Variants in GALNT13 observed in about 807,000 individuals in gnomAD.
GALNT13 encodes polypeptide N-acetylgalactosaminyltransferase 13.
A neutral mutation model predicts 64.2 loss-of-function variants in GALNT13; 28 were observed. The observed-to-expected ratio is 0.44, with a 90% CI of 0.32 to 0.60. GALNT13 has a LOEUF of 0.60. Ranked by LOEUF, GALNT13 falls within the 20% of genes least tolerant of loss-of-function variation. The pLI, the probability that GALNT13 is intolerant of heterozygous loss-of-function variation, is 0.05. For missense variants in GALNT13, 577 were observed against 669.8 expected (o/e 0.86, Z 1.53); for synonymous variants, 214 against 224.6 (o/e 0.95, Z 0.42).
chr2:154,057,115 C>T (rs1241266114), intron 3 of GALNT13, among the ~76,000 whole-genome samples: 6 of 152,084 alleles, frequency 3.9e-5, no homozygotes, highest in Non-Finnish European at 7.4e-5. Flanking sequence ...CTGCAACTTC[C>T]GTCTCCTGGG....
chr2:154,066,044 G>A (rs1260097749), intron 3 of GALNT13, among the ~76,000 whole-genome samples: 1 of 152,162 alleles, frequency 6.6e-6, no homozygotes, highest in Non-Finnish European at 1.5e-5. Context: ...TAATTAAAAA[G>A]AATCAAGTAT....
chr2:154,013,687 C>T (rs1327146217), intron 3 of GALNT13, among the ~76,000 whole-genome samples: 1 of 152,068 alleles, frequency 6.6e-6, no homozygotes, highest in Non-Finnish European at 1.5e-5. Context: ...GTGGGCTGCC[C>T]ACACATCAGC....
chr2:154,088,201 C>T (rs2105432274), intron 3 of GALNT13, among the ~76,000 whole-genome samples: 1 of 152,134 alleles, frequency 6.6e-6, no homozygotes, highest in Middle Eastern at 3.4e-3. Context: ...GTACTAAGGC[C>T]TTCATTTCTT....
chr2:153,572,809 T>TC, the GALNT13 span, among the ~76,000 whole-genome samples: 1 of 151,560 alleles, frequency 6.6e-6, no homozygotes, highest in Admixed American at 6.6e-5. Flanking sequence ...GAGTAGACAC[T>TC]TGATATTATT....
At chr2:153,983,293 A>G (rs888827524) in intron 3 of GALNT13, among the ~76,000 whole-genome samples, 2 of 151,848 alleles carry the variant, frequency 1.3e-5, no homozygotes, top group East Asian at 1.9e-4. Flanking sequence ...AGAAAATATA[A>G]TTACTTACGG....
At chr2:153,253,103 C>A in the GALNT13 span, among the ~76,000 whole-genome samples, 1 of 151,838 alleles carries the variant, frequency 6.6e-6, no homozygotes, top group African/African-American at 2.4e-5. Flanking sequence ...TACCCATGAG[C>A]ATGGGATATT....
chr2:154,154,928 TTA>T (rs1343775051), intron 4 of GALNT13, among the ~76,000 whole-genome samples: 1 of 96,838 alleles, frequency 1.0e-5, no homozygotes, highest in Non-Finnish European at 2.1e-5. Flanking sequence ...TGCTGATTGT[TTA>T]TGTTTGTGTG....
intron 9 of GALNT13, among the ~76,000 whole-genome samples, chr2:154,356,068 C>G (rs1696731137): frequency 6.6e-6 from 1 of 152,000 alleles, no homozygotes; most frequent in Non-Finnish European, 1.5e-5. Context: ...CTACTAAACA[C>G]AATTTCAAAT....
At chr2:154,390,258 A>G (rs755241007) in intron 9 of GALNT13, among the ~76,000 whole-genome samples, 8 of 152,232 alleles carry the variant, frequency 5.3e-5, no homozygotes, top group Admixed American at 1.3e-4. Flanking sequence ...TTCAGGGTGC[A>G]TGTACAGATT....
the GALNT13 span, among the ~76,000 whole-genome samples, chr2:153,254,435 A>AT: frequency 6.6e-6 from 1 of 152,054 alleles, no homozygotes; most frequent in African/African-American, 2.4e-5. Context: ...GGATTCATTA[A>AT]TTTTTTGAAG....
At chr2:154,232,863 T>C (rs1688992305) in intron 4 of GALNT13, among the ~76,000 whole-genome samples, 1 of 148,650 alleles carries the variant, frequency 6.7e-6, no homozygotes, top group African/African-American at 2.5e-5. Context: ...TGAGACTTTG[T>C]CGCTACAAAA....
chr2:154,074,502 C>G, intron 3 of GALNT13, among the ~76,000 whole-genome samples: 1 of 151,864 alleles, frequency 6.6e-6, no homozygotes, highest in Non-Finnish European at 1.5e-5. Flanking sequence ...AGAACATAGC[C>G]CACTGAATTT....
the GALNT13 span, among the ~76,000 whole-genome samples, chr2:153,557,396 C>T: frequency 1.3e-5 from 2 of 152,150 alleles, no homozygotes; most frequent in East Asian, 3.9e-4. Context: ...TGACTGTACA[C>T]AAACAAGAAA....
At chr2:153,475,643 C>T in the GALNT13 span, among the ~76,000 whole-genome samples, 9 of 152,148 alleles carry the variant, frequency 5.9e-5, no homozygotes, top group African/African-American at 2.2e-4. Flanking sequence ...CTTCAGCCTC[C>T]GCGTGTCTGA....
intron 4 of GALNT13, among the ~76,000 whole-genome samples, chr2:154,148,989 T>C (rs1574603475): frequency 6.6e-6 from 1 of 152,198 alleles, no homozygotes; most frequent in South Asian, 2.1e-4. Context: ...GTTTTAGACA[T>C]GAAGTCCCTG....
chr2:154,274,983 G>A (rs1691561358), intron 8 of GALNT13, among the ~76,000 whole-genome samples: 1 of 152,070 alleles, frequency 6.6e-6, no homozygotes, highest in Non-Finnish European at 1.5e-5. Flanking sequence ...GTTGTGAACT[G>A]GAGTAAAGGT....
chr2:154,303,892 G>A (rs932527730), intron 9 of GALNT13, among the ~76,000 whole-genome samples: 3 of 151,964 alleles, frequency 2.0e-5, no homozygotes, highest in African/African-American at 4.8e-5. Flanking sequence ...CCAGTAGCTG[G>A]GATTACAGGC....
chr2:154,402,924 ATGAGAT>A (rs1369584457), intron 10 of GALNT13, among the ~76,000 whole-genome samples: 1 of 152,186 alleles, frequency 6.6e-6, no homozygotes, highest in Non-Finnish European at 1.5e-5. Flanking sequence ...ATCTCAAAAG[ATGAGAT>A]CCATAGTTTC....
chr2:153,709,419 A>G, the GALNT13 span, among the ~76,000 whole-genome samples: 1 of 152,124 alleles, frequency 6.6e-6, no homozygotes, highest in African/African-American at 2.4e-5. Flanking sequence ...CATTAGGGAA[A>G]TGAAAATTGA....
Sources: allele counts gnomAD v4.1 joint callset (sites outside exome capture counted in the v4.1 genomes callset), GRCh38; gene constraint gnomAD v4.1.1; transcripts MANE v1.5; gene names NCBI Gene and HGNC (gene_info 2026-07-23, HGNC 2026-07-21).